Variants in NT5DC4 observed in about 807,000 individuals in gnomAD.
NT5DC4 encodes 5'-nucleotidase domain-containing protein 4.
Under a neutral mutation model 26.6 loss-of-function variants are expected in NT5DC4, and 44 were observed. The ratio of observed to expected loss-of-function variants is 1.65; its 90% CI spans 1.30 to 2.13. NT5DC4 has a LOEUF of 2.13. Among genes scored for constraint, NT5DC4 ranks in the 30% most tolerant of loss-of-function variants. The pLI is 0.00. For synonymous variants in NT5DC4, 157 were observed against 86.7 expected (o/e 1.81, Z -4.51); for missense variants, 399 against 228.1 (o/e 1.75, Z -4.83).
chr2:112,735,491 T>C (rs1040261566), intron 16 of NT5DC4, among the ~76,000 whole-genome samples: 48 of 119,058 alleles, frequency 4.0e-4, no homozygotes, highest in East Asian at 1.1e-3. Context: ...CTCCCCCCCC[T>C]TTTTTTCTTT....
chr2:112,723,368 C>CACACACAA, intron 7 of NT5DC4, 50 bp from the exon 8 acceptor site: 1 of 701,364 alleles, frequency 1.4e-6, no homozygotes, highest in South Asian at 1.5e-5. Flanking sequence ...CATGCACACA[C>CACACACAA]ACACACACAC....
chr2:112,731,719 T>G (rs1029050382), intron 16 of NT5DC4: 7 of 152,230 alleles, frequency 4.6e-5, no homozygotes, highest in Middle Eastern at 3.2e-3. Context: ...CAGTTTACTT[T>G]TTGTCTGTTA....
upstream of NT5DC4, among the ~76,000 whole-genome samples, chr2:112,720,391 G>A (rs1245551275): frequency 3.3e-5 from 5 of 152,124 alleles, no homozygotes; most frequent in Non-Finnish European, 7.4e-5. Flanking sequence ...AGAGGGCCTG[G>A]CACTTCAGTT....
chr2:112,734,763 C>T (rs1678895374), intron 16 of NT5DC4, among the ~76,000 whole-genome samples: 1 of 152,196 alleles, frequency 6.6e-6, no homozygotes, highest in Admixed American at 6.5e-5. Context: ...GATCTCAGTT[C>T]ACTGCACCCT....
chr2:112,727,794 G>C (rs1677937952), intron 15 of NT5DC4, among the ~76,000 whole-genome samples: 1 of 129,180 alleles, frequency 7.7e-6, no homozygotes, highest in Admixed American at 8.3e-5. Flanking sequence ...TGCCCCTCTG[G>C]CCAGAGGGTC....
chr2:112,731,730 G>C (rs1225894536), intron 16 of NT5DC4: 1 of 152,142 alleles, frequency 6.6e-6, no homozygotes, highest in Non-Finnish European at 1.5e-5. Context: ...TTGTCTGTTA[G>C]TGGTATCATC....
At chr2:112,720,675 T>C (rs928389718), upstream of NT5DC4, among the ~76,000 whole-genome samples, 3 of 152,222 alleles carry the variant, frequency 2.0e-5, no homozygotes, top group Admixed American at 6.5e-5. Context: ...TGTGTCAGAA[T>C]TGTGCATAAA....
rs116342308 is a variant in NT5DC4, at chr2:112,738,977, C to A, written c.*41C>A. 1 of 1,614,066 alleles carries A rather than the reference C, an allele frequency of 6.2e-7. No homozygotes were observed. Among genetic ancestry groups the A allele is most frequent in the Admixed American group, 1.7e-5 (1 of 59,992 alleles). On this transcript the variant is annotated 3_prime_UTR_variant, in exon 17 of 17. Transcript: ENST00000688554. ...CATTTCTGGGTAGCGGGACACTGCT[C>A]GCTCAATCCTCGACGAACGCCGTAC...
chr2:112,724,073 A>G, intron 9 of NT5DC4, 21 bp from the exon 10 acceptor site: 1 of 717,046 alleles, frequency 1.4e-6, no homozygotes. Flanking sequence ...TGGTGCCCTG[A>G]CGCTGCCTTG....
At position 112,734,008 on chromosome 2, in the gene NT5DC4, G is replaced by A. The variant is rs1678769555; in HGVS notation, c.1344+4304G>A. ...ATAGGAGTTAAAAGTTCTGAACCTG[G>A]AGCCAGACAGCCCTGACTTTGAAAT... is the stretch of plus-strand genomic sequence containing the variant. On this transcript the variant is annotated intron_variant, in intron 16 of 16. Transcript: ENST00000688554. 2.0e-5 allele frequency among the ~76,000 whole-genome samples: 3 copies of A among 152,008 alleles called. No individual in the cohort carries two copies. In the South Asian group the frequency reaches 6.2e-4, roughly 32 times the overall value.
chr2:112,730,635 T>C (rs1353519720), intron 16 of NT5DC4, among the ~76,000 whole-genome samples: 1 of 152,182 alleles, frequency 6.6e-6, no homozygotes, highest in Admixed American at 6.5e-5. Flanking sequence ...AAACCCTGCA[T>C]AAATGTTCCT....
At position 112,733,826 on chromosome 2, in the gene NT5DC4, G is replaced by C. The variant is rs547735932; in HGVS notation, c.1344+4122G>C. On this transcript the variant is annotated intron_variant, in intron 16 of 16. Coordinates refer to ENST00000688554, the MANE Select transcript of NT5DC4 (RefSeq NM_001393655.1). ...AGCATCTCTGTGGTAGTGAACTAGT[G>C]GTAAAAATGTGATCATTTATTTGTA... Among the ~76,000 whole-genome samples, 58 of 152,130 alleles carry C rather than the reference G, an allele frequency of 3.8e-4. 1 individual carries two copies. Among genetic ancestry groups the C allele is most frequent in the African/African-American group, 1.3e-3 (52 of 41,414 alleles).
intron 16 of NT5DC4, chr2:112,737,393 T>A (rs1029460185): frequency 3.3e-5 from 5 of 152,228 alleles, no homozygotes; most frequent in African/African-American, 1.2e-4. Context: ...AACATTTATC[T>A]CATGTCTTGT....
At chr2:112,725,352 C>G (rs72950356) in intron 12 of NT5DC4, 30 bp from the exon 13 acceptor site, 3 of 691,020 alleles carry the variant, frequency 4.3e-6, no homozygotes, top group South Asian at 3.0e-5. Flanking sequence ...GAAGGGCAAA[C>G]GAGTGTCTGT....
At chr2:112,720,012 C>CCTTCCTTCCTTCCTTCCTTCCTTCCTT (rs777830717), upstream of NT5DC4, among the ~76,000 whole-genome samples, 22 of 97,678 alleles carry the variant, frequency 2.3e-4, no homozygotes, top group African/African-American at 8.6e-4. Flanking sequence ...CTTTTCTTTT[C>CCTTCCTTCCTTCCTTCCTTCCTTCCTT]CCTTCCTTCC....
chr2:112,729,353 C>G (rs1000547170), intron 15 of NT5DC4, among the ~76,000 whole-genome samples: 2 of 152,302 alleles, frequency 1.3e-5, no homozygotes, highest in Admixed American at 1.3e-4. Context: ...AACCCCTGGG[C>G]TCAAGTGATC....
At chr2:112,741,208 A>G (rs746418422), downstream of NT5DC4, among the ~76,000 whole-genome samples, 43 of 152,058 alleles carry the variant, frequency 2.8e-4, no homozygotes, top group Non-Finnish European at 6.0e-4. Context: ...TTGCTACATC[A>G]GGCTACCCTC....
At chr2:112,719,634 C>T (rs141458467), upstream of NT5DC4, among the ~76,000 whole-genome samples, 37 of 151,742 alleles carry the variant, frequency 2.4e-4, no homozygotes, top group East Asian at 2.7e-3. Context: ...TACAGGCATG[C>T]GCAACCATGC....
intron 15 of NT5DC4, 126 bp downstream of exon 15, chr2:112,726,864 T>A (rs2138606): frequency 7.4e-6 from 5 of 679,004 alleles, no homozygotes; most frequent in East Asian, 5.4e-5. Context: ...CTCCTCAGCC[T>A]CGCCTGGGCT....
Sources: allele counts gnomAD v4.1 joint callset (sites outside exome capture counted in the v4.1 genomes callset), GRCh38; gene constraint gnomAD v4.1.1; transcripts MANE v1.5; gene names NCBI Gene and HGNC (gene_info 2026-07-23, HGNC 2026-07-21).